Variants in PLCL2 observed in about 807,000 individuals in gnomAD.
The protein encoded by PLCL2 is phospholipase C like 2.
A neutral mutation model predicts 79.6 loss-of-function variants in PLCL2; 4 were observed. The observed-to-expected ratio is 0.05, with a 90% confidence interval of 0.02 to 0.11. The LOEUF (loss-of-function observed/expected upper bound fraction) is 0.11. Ranked by LOEUF, PLCL2 falls within the 10% of genes least tolerant of loss-of-function variation. The pLI, the probability that PLCL2 is intolerant of heterozygous loss-of-function variation, is 1.00. For missense variants in PLCL2, 895 were observed against 1,291.0 expected (o/e 0.69, Z 4.70); for synonymous variants, 484 against 457.7 (o/e 1.06, Z -0.73).
rs993465755 is a variant in PLCL2, at chr3:17,027,023, C to T, written c.3018+12112C>T. ...TAAGCTGTTTTCCTAAAACTAAGCCCTGTCTTTATTGTTAAACGTTAGAAT... is the reference window on the plus strand; with the variant it reads ...TAAGCTGTTTTCCTAAAACTAAGCCTTGTCTTTATTGTTAAACGTTAGAAT... On this transcript the variant is annotated intron_variant, in intron 3 of 5. Transcript: ENST00000615277. Among the ~76,000 whole-genome samples, 6 of 152,130 alleles carry T rather than the reference C, an allele frequency of 3.9e-5. 1 individual carries two copies. The highest frequency in any genetic ancestry group is 4.1e-4 in the South Asian group (2 of 4,828).
intron 1 of PLCL2, among the ~76,000 whole-genome samples, chr3:16,913,322 C>G (rs1429703796): frequency 6.6e-6 from 1 of 151,436 alleles, no homozygotes; most frequent in Non-Finnish European, 1.5e-5. Flanking sequence ...CTTTTCTTAC[C>G]CATTCGCTGG....
At chr3:16,888,551 A>G (rs559144948) in intron 1 of PLCL2, among the ~76,000 whole-genome samples, 2 of 152,296 alleles carry the variant, frequency 1.3e-5, no homozygotes, top group Admixed American at 6.5e-5. Flanking sequence ...AGAAGCCGTT[A>G]TGTTTGTCAT....
At chr3:17,075,838 G>A (rs191976907) in intron 5 of PLCL2, among the ~76,000 whole-genome samples, 2 of 152,320 alleles carry the variant, frequency 1.3e-5, no homozygotes, top group Admixed American at 6.5e-5. Context: ...ACAAGTTAAT[G>A]TAGGTTTCAG....
intron 1 of PLCL2, among the ~76,000 whole-genome samples, chr3:17,008,487 C>T (rs1405412447): frequency 6.6e-6 from 1 of 151,944 alleles, no homozygotes; most frequent in East Asian, 1.9e-4. Context: ...GTACATCCTC[C>T]GTCACATGGA....
At chr3:17,085,839 A>AT (rs1250632182) in intron 5 of PLCL2, among the ~76,000 whole-genome samples, 1 of 152,244 alleles carries the variant, frequency 6.6e-6, no homozygotes, top group African/African-American at 2.4e-5. Flanking sequence ...GAAATAAAAT[A>AT]TTCAGGTATA....
chr3:16,982,241 T>C (rs986162430), intron 1 of PLCL2, among the ~76,000 whole-genome samples: 9 of 152,224 alleles, frequency 5.9e-5, no homozygotes, highest in Non-Finnish European at 1.0e-4. Flanking sequence ...CTGTCCTGTA[T>C]TAGTGCCTCT....
chr3:17,058,339 C>G (rs143473700), intron 4 of PLCL2, among the ~76,000 whole-genome samples: 129 of 152,238 alleles, frequency 8.5e-4, no homozygotes, highest in African/African-American at 3.0e-3. Context: ...ATTAAGCAAA[C>G]AAATTTGGTG....
intron 3 of PLCL2, among the ~76,000 whole-genome samples, chr3:17,016,763 G>T (rs1408434666): frequency 6.6e-6 from 1 of 151,930 alleles, no homozygotes; most frequent in East Asian, 1.9e-4. Flanking sequence ...AGCCAAAAAA[G>T]TATCTGATAT....
At chr3:17,001,429 A>G (rs992574224) in intron 1 of PLCL2, among the ~76,000 whole-genome samples, 1 of 152,042 alleles carries the variant, frequency 6.6e-6, no homozygotes, top group Admixed American at 6.6e-5. Flanking sequence ...CCTAAAAAAC[A>G]TCTTGCCCAG....
chr3:17,017,494 T>G (rs1209982391), intron 3 of PLCL2, among the ~76,000 whole-genome samples: 2 of 152,180 alleles, frequency 1.3e-5, no homozygotes, highest in Non-Finnish European at 1.5e-5. Flanking sequence ...CTAGCCAGAA[T>G]AGATTAAATA....
chr3:16,984,380 A>T lies in PLCL2; in HGVS notation c.328-25294A>T, dbSNP rs1459939920. Among the ~76,000 whole-genome samples the T allele has an allele frequency of 2.0e-5, 3 of 152,156 alleles. No individual in the cohort carries two copies. The East Asian group carries it at 5.8e-4, about 29-fold the overall frequency. On this transcript the variant is annotated intron_variant, in intron 1 of 5. Coordinates refer to ENST00000615277, the MANE Select transcript of PLCL2 (RefSeq NM_001144382.2). The stretch of plus-strand genomic sequence containing the variant: ...TGGTTGTAAACTTCTGGAATTTCAG[A>T]GAAATAAGGTTTTATTAAGTAATAA...
chr3:16,996,604 G>A (rs908958424), intron 1 of PLCL2, among the ~76,000 whole-genome samples: 2 of 152,134 alleles, frequency 1.3e-5, no homozygotes, highest in Admixed American at 6.5e-5. Flanking sequence ...CAGGAAGCCA[G>A]GGTGAATTTG....
chr3:16,927,405 G>A (rs566466016), intron 1 of PLCL2, among the ~76,000 whole-genome samples: 1 of 152,182 alleles, frequency 6.6e-6, no homozygotes, highest in Non-Finnish European at 1.5e-5. Flanking sequence ...GGCAAGAATG[G>A]TTAGCAAACA....
chr3:16,917,704 C>T (rs1333711176), intron 1 of PLCL2, among the ~76,000 whole-genome samples: 2 of 152,206 alleles, frequency 1.3e-5, no homozygotes, highest in African/African-American at 2.4e-5. Flanking sequence ...ATAAAAGCTG[C>T]ATGGCCTCTT....
chr3:17,046,187 G>A (rs187000891), intron 4 of PLCL2, among the ~76,000 whole-genome samples: 39 of 152,290 alleles, frequency 2.6e-4, no homozygotes, highest in African/African-American at 9.4e-4. Context: ...GATTGGTAAG[G>A]AACACCAGCA....
chr3:16,931,662 C>T (rs896683259), intron 1 of PLCL2, among the ~76,000 whole-genome samples: 5 of 152,136 alleles, frequency 3.3e-5, no homozygotes, highest in African/African-American at 1.2e-4. Context: ...TCGGTTGCTG[C>T]CATTTATTAC....
intron 1 of PLCL2, among the ~76,000 whole-genome samples, chr3:16,903,067 A>T (rs1696666067): frequency 6.6e-6 from 1 of 152,266 alleles, no homozygotes; most frequent in Admixed American, 6.5e-5. Context: ...GAAAGGTCTT[A>T]TAAGTTAGGA....
At chr3:16,941,720 A>G (rs1446725327) in intron 1 of PLCL2, among the ~76,000 whole-genome samples, 3 of 152,134 alleles carry the variant, frequency 2.0e-5, no homozygotes, top group Non-Finnish European at 4.4e-5. Context: ...CTTCCATAGC[A>G]CCGCAACTAT....
At chr3:16,957,766 C>A (rs1394993429) in intron 1 of PLCL2, among the ~76,000 whole-genome samples, 1 of 152,190 alleles carries the variant, frequency 6.6e-6, no homozygotes, top group African/African-American at 2.4e-5. Context: ...TTGAATTGAT[C>A]CCTTTACCAT....
Sources: allele counts gnomAD v4.1 joint callset (sites outside exome capture counted in the v4.1 genomes callset), GRCh38; gene constraint gnomAD v4.1.1; transcripts MANE v1.5; gene names NCBI Gene and HGNC (gene_info 2026-07-23, HGNC 2026-07-21).